Variants in TAFA1 observed in about 807,000 individuals in gnomAD.
TAFA1 encodes the protein chemokine-like protein TAFA-1.
A neutral mutation model predicts 18.5 loss-of-function variants in TAFA1; 4 were observed. The ratio of observed to expected loss-of-function variants is 0.22; its 90% CI spans 0.11 to 0.49. The LOEUF (loss-of-function observed/expected upper bound fraction) is 0.49. TAFA1 is among the 20% of genes least tolerant of loss of function. The probability of loss-of-function intolerance (pLI) is 0.98; values close to 1 mark genes in which losing one functional copy is unlikely to be tolerated. For missense variants in TAFA1, 147 were observed against 169.0 expected (o/e 0.87, Z 0.72); for synonymous variants, 56 against 55.2 (o/e 1.01, Z -0.06).
intron 2 of TAFA1, among the ~76,000 whole-genome samples, chr3:68,278,548 C>T (rs931150616): frequency 3.3e-5 from 5 of 152,098 alleles, no homozygotes; most frequent in Non-Finnish European, 7.4e-5. Context: ...TGTCTTAAAG[C>T]TCACAGCCAT....
chr3:68,326,512 GT>G (rs1397846878), intron 2 of TAFA1, among the ~76,000 whole-genome samples: 1 of 152,146 alleles, frequency 6.6e-6, no homozygotes, highest in Non-Finnish European at 1.5e-5. Flanking sequence ...TGACCTGAGA[GT>G]TTGCTTGCAA....
At chr3:68,135,796 A>G (rs895921620) in intron 2 of TAFA1, among the ~76,000 whole-genome samples, 10 of 152,136 alleles carry the variant, frequency 6.6e-5, no homozygotes, top group African/African-American at 2.4e-4. Context: ...TTAATTTATC[A>G]AAATTTCCCT....
intron 4 of TAFA1, among the ~76,000 whole-genome samples, chr3:68,540,279 C>A (rs779682263): frequency 1.2e-4 from 18 of 152,052 alleles, no homozygotes; most frequent in Non-Finnish European, 2.2e-4. Context: ...AACCTCTGAA[C>A]CACCCTAGCT....
At chr3:68,241,947 CAT>C in intron 2 of TAFA1, among the ~76,000 whole-genome samples, 1 of 152,158 alleles carries the variant, frequency 6.6e-6, no homozygotes, top group Non-Finnish European at 1.5e-5. Flanking sequence ...AATAGTGCCA[CAT>C]AAAAATTTAA....
intron 3 of TAFA1, among the ~76,000 whole-genome samples, chr3:68,520,367 T>C (rs560832982): frequency 2.6e-5 from 4 of 152,368 alleles, no homozygotes; most frequent in South Asian, 2.1e-4. Context: ...CTTTAGTTGC[T>C]ATTTTTTCCC....
chr3:67,992,260 G>T, the TAFA1 span, among the ~76,000 whole-genome samples: 1 of 152,116 alleles, frequency 6.6e-6, no homozygotes, highest in Non-Finnish European at 1.5e-5. Flanking sequence ...TGAGCTATTG[G>T]GGTTGCTTGT....
chr3:68,139,014 C>T (rs1295606633), intron 2 of TAFA1, among the ~76,000 whole-genome samples: 3 of 152,056 alleles, frequency 2.0e-5, no homozygotes, highest in Non-Finnish European at 4.4e-5. Context: ...TAATTACTGC[C>T]CTTGAGTGTG....
intron 3 of TAFA1, among the ~76,000 whole-genome samples, chr3:68,509,716 G>A (rs1278521711): frequency 6.6e-6 from 1 of 152,088 alleles, no homozygotes; most frequent in Admixed American, 6.6e-5. Flanking sequence ...TAATGTATTA[G>A]TTTGATCCTT....
At chr3:68,415,309 A>C (rs1208340969) in intron 2 of TAFA1, among the ~76,000 whole-genome samples, 5 of 152,340 alleles carry the variant, frequency 3.3e-5, no homozygotes, top group African/African-American at 1.2e-4. Flanking sequence ...AACAAGTGAC[A>C]ACCTTGACCC....
In TAFA1 at chr3:68,535,551, G is replaced by A. The variant is rs147831914; in HGVS notation, c.260-3205G>A. On this transcript the variant is annotated intron_variant, in intron 3 of 4. Coordinates refer to ENST00000478136, the MANE Select transcript of TAFA1 (RefSeq NM_213609.4). ...CTTGCTGGCCATATCCAGTGGAATT[G>A]CATCATACATACTTTGGTCTGGTCC... 7.2e-5 allele frequency among the ~76,000 whole-genome samples: 11 copies of A among 152,198 alleles called. No individual in the cohort carries two copies. In the East Asian group the frequency reaches 1.7e-3, roughly 24 times the overall value.
rs561347670 is a variant in TAFA1 at position 68,533,768 on chromosome 3, T to C, written c.260-4988T>C. ...GTGAGTGAGACCATGCAGAGAGACA[T>C]GTGGCCTTCTATCTTGCACTTATCT... is the stretch of plus-strand genomic sequence containing the variant. On this transcript the variant is annotated intron_variant, in intron 3 of 4. Coordinates refer to ENST00000478136, the MANE Select transcript of TAFA1 (RefSeq NM_213609.4). Among the ~76,000 whole-genome samples, 6 of 152,264 alleles carry C rather than the reference T, an allele frequency of 3.9e-5. No individual in the cohort carries two copies. The South Asian group carries it at 6.2e-4, about 16-fold the overall frequency.
At chr3:68,178,071 G>A (rs1185925125) in intron 2 of TAFA1, among the ~76,000 whole-genome samples, 1 of 152,090 alleles carries the variant, frequency 6.6e-6, no homozygotes, top group Admixed American at 6.5e-5. Context: ...GTGAACCTGG[G>A]AGGCGGAGCT....
intron 2 of TAFA1, among the ~76,000 whole-genome samples, chr3:68,075,212 T>C (rs747939029): frequency 5.9e-5 from 9 of 152,216 alleles, no homozygotes; most frequent in Non-Finnish European, 8.8e-5. Context: ...TGTATAGATA[T>C]ACTATTGGCA....
intron 2 of TAFA1, among the ~76,000 whole-genome samples, chr3:68,223,397 G>A (rs531984625): frequency 2.6e-5 from 4 of 152,072 alleles, no homozygotes; most frequent in Non-Finnish European, 5.9e-5. Flanking sequence ...TAGTATCACT[G>A]AATATTTACA....
intron 2 of TAFA1, among the ~76,000 whole-genome samples, chr3:68,308,747 G>C (rs2068465457): frequency 6.6e-6 from 1 of 152,014 alleles, no homozygotes; most frequent in Admixed American, 6.6e-5. Flanking sequence ...ATGACACAGA[G>C]AAAGAGATGC....
At chr3:68,173,691 A>T (rs2066087334) in intron 2 of TAFA1, among the ~76,000 whole-genome samples, 1 of 152,280 alleles carries the variant, frequency 6.6e-6, no homozygotes, top group South Asian at 2.1e-4. Flanking sequence ...TTGTCTTCTC[A>T]GTATTAACTC....
intron 3 of TAFA1, among the ~76,000 whole-genome samples, chr3:68,526,127 T>C (rs2073108715): frequency 6.6e-6 from 1 of 152,174 alleles, no homozygotes; most frequent in Admixed American, 6.5e-5. Flanking sequence ...AGATCTGAAG[T>C]GGCCTAAGAG....
At chr3:68,431,833 G>A (rs576913157) in intron 3 of TAFA1, among the ~76,000 whole-genome samples, 55 of 152,036 alleles carry the variant, frequency 3.6e-4, no homozygotes, top group African/African-American at 9.4e-4. Context: ...GCAGACTCAC[G>A]TCTTAAGAGC....
intron 2 of TAFA1, among the ~76,000 whole-genome samples, chr3:68,092,496 C>T (rs939655263): frequency 6.6e-6 from 1 of 152,020 alleles, no homozygotes; most frequent in African/African-American, 2.4e-5. Flanking sequence ...AGAACAGATA[C>T]CAGTGTGGGG....
Sources: gnomAD v4.1 joint callset for allele counts (sites outside exome capture counted in the v4.1 genomes callset) on GRCh38, gnomAD v4.1.1 for gene constraint, MANE v1.5 for transcripts, NCBI Gene and HGNC (gene_info 2026-07-23, HGNC 2026-07-21) for gene names.